The following C8orf34 variants were observed in gnomAD, a reference collection of about 807,000 sequenced individuals.
C8orf34 encodes the protein chromosome 8 open reading frame 34.
In C8orf34, 65 loss-of-function variants were observed where a neutral mutation model predicts 68.3. The observed-to-expected ratio is 0.95, with a 90% CI of 0.78 to 1.17. The LOEUF (loss-of-function observed/expected upper bound fraction) is 1.17, where lower values mean the gene tolerates loss of function less well. C8orf34 is among the 50% of genes most tolerant of loss of function. The probability of loss-of-function intolerance (pLI) is 0.00; values close to 1 mark genes in which losing one functional copy is unlikely to be tolerated. For missense variants in C8orf34, 664 were observed against 655.4 expected (o/e 1.01, Z -0.14); for synonymous variants, 244 against 241.2 (o/e 1.01, Z -0.11).
Position 68,787,527 on chromosome 8 carries a change from C to T in C8orf34, c.1540C>T (p.Gln514Ter), listed in dbSNP as rs1312409903. ...AGAAAGTGAAGGAGTGGAAGCAGAACAAGAGAAACGTGAGTAGACACTATT... is the reference window on the plus strand; with the variant it reads ...AGAAAGTGAAGGAGTGGAAGCAGAATAAGAGAAACGTGAGTAGACACTATT... ...DTESEGVEAE[Q>*]EKRSADLLLC... The change falls in exon 12 of 14, where the codon CAA becomes TAA. Residue 514 changes from glutamine to a stop codon, truncating the protein, a stop_gained. Coordinates refer to ENST00000518698, the MANE Select transcript of C8orf34 (RefSeq NM_052958.4). LOFTEE classifies it high-confidence loss of function. The T allele has an allele frequency of 6.2e-7, 1 of 1,604,772 alleles. No homozygotes were observed. Among genetic ancestry groups the T allele is most frequent in the Admixed American group, 1.7e-5 (1 of 59,680 alleles).
intron 7 of C8orf34, among the ~76,000 whole-genome samples, chr8:68,589,790 G>T (rs1217793751): frequency 6.9e-6 from 1 of 145,894 alleles, no homozygotes; most frequent in African/African-American, 2.5e-5. Flanking sequence ...AAGGTGGAGA[G>T]AGAAGGGAAT....
intron 3 of C8orf34, chr8:68,447,208 G>T (rs1811161940): frequency 6.6e-6 from 1 of 152,238 alleles, no homozygotes; most frequent in Non-Finnish European, 1.5e-5. Context: ...GATCTTGTAA[G>T]AACCAACAGA....
Position 68,818,891 on chromosome 8 carries a change from C to T in C8orf34, c.*645C>T, listed in dbSNP as rs998759652. ...GGCCCAAAACATAGAAAATGAAAAT[C>T]GTTTGACCATTTATCCAATTATTGA... On this transcript the variant is annotated 3_prime_UTR_variant, in exon 14 of 14. Transcript: ENST00000518698. 5 of 152,174 alleles carry T rather than the reference C, an allele frequency of 3.3e-5. No individual in the cohort carries two copies. In the East Asian group the frequency reaches 5.8e-4, roughly 18 times the overall value. The allele number at this position is 152,174 out of a possible 1,614,324, so 9.4% of individuals were successfully genotyped here. A position where few individuals can be genotyped will look rare whatever the true frequency, so the allele number is the denominator to read the frequency against.
At chr8:68,599,461 G>A (rs1051447885) in intron 7 of C8orf34, among the ~76,000 whole-genome samples, 4 of 151,818 alleles carry the variant, frequency 2.6e-5, no homozygotes, top group Admixed American at 6.6e-5. Flanking sequence ...AAATTTACAA[G>A]CTACAGTAAC....
chr8:68,818,204 A>G (rs1296656737), intron 13 of C8orf34, 35 bp from the exon 14 acceptor site: 2 of 1,609,416 alleles, frequency 1.2e-6, no homozygotes, highest in Admixed American at 1.7e-5. Flanking sequence ...CATGTTATTA[A>G]GCACATTTTC....
At position 68,788,845 on chromosome 8, in the gene C8orf34, G is replaced by A. The variant is rs554673673; in HGVS notation, c.1549+1309G>A. On this transcript the variant is annotated intron_variant, in intron 12 of 13. Transcript: ENST00000518698. ...CTGCACTCCCGCCTGGCGACAGAGC[G>A]AGACTCCGTCTAAAAAAAAAAAAGA... Among the ~76,000 whole-genome samples, 7 of 151,780 alleles carry A rather than the reference G, an allele frequency of 4.6e-5. No individual in the cohort carries two copies. In the South Asian group the frequency reaches 8.3e-4, roughly 18 times the overall value.
At chr8:68,711,088 C>T (rs1322404757) in intron 9 of C8orf34, among the ~76,000 whole-genome samples, 1 of 152,132 alleles carries the variant, frequency 6.6e-6, no homozygotes, top group Non-Finnish European at 1.5e-5. Flanking sequence ...CAGTTCAGCT[C>T]TCAGGAAGCC....
rs1460075990 is a variant in C8orf34 at position 68,331,017 on chromosome 8, G to A, written c.5G>A (p.Ser2Asn). ...GCGAGGCGGAGAACGCGATGAATGA[G>A]TTCTCCCCTCGCCTCGGAGTTGTCT... The part of the protein sequence containing the change: M[S>N]SPLASELSEL... Residue 2 changes from serine to asparagine, a missense_variant, in exon 1 of 14, where the codon AGT becomes AAT. Transcript: ENST00000518698. 1 of 1,440,392 alleles carries A rather than the reference G, an allele frequency of 6.9e-7. No homozygotes were observed. The highest frequency in any genetic ancestry group is 9.0e-7 in the Non-Finnish European group (1 of 1,110,092). 89.2% of individuals were successfully genotyped at this position (1,440,392 alleles called of 1,614,324 possible).
intron 1 of C8orf34, among the ~76,000 whole-genome samples, chr8:68,393,884 G>T (rs1192242163): frequency 1.3e-5 from 2 of 152,136 alleles, no homozygotes; most frequent in African/African-American, 2.4e-5. Context: ...ACACCTGTTA[G>T]CAGGGCCTTA....
chr8:68,503,470 G>A (rs554486768), intron 5 of C8orf34, among the ~76,000 whole-genome samples: 1 of 151,956 alleles, frequency 6.6e-6, no homozygotes, highest in African/African-American at 2.4e-5. Flanking sequence ...GGGTACAAAG[G>A]CATTCATTTA....
At chr8:68,536,022 A>G (rs913787446) in intron 7 of C8orf34, among the ~76,000 whole-genome samples, 1 of 152,156 alleles carries the variant, frequency 6.6e-6, no homozygotes, top group Non-Finnish European at 1.5e-5. Flanking sequence ...AAATCTTCAC[A>G]TATTTTTTAA....
intron 2 of C8orf34, among the ~76,000 whole-genome samples, chr8:68,443,706 T>A (rs1368423433): frequency 6.6e-6 from 1 of 152,088 alleles, no homozygotes; most frequent in African/African-American, 2.4e-5. Flanking sequence ...ACACCCAGCC[T>A]GGTGCATCTT....
chr8:68,588,100 T>A (rs1261742569), intron 7 of C8orf34, among the ~76,000 whole-genome samples: 1 of 152,188 alleles, frequency 6.6e-6, no homozygotes, highest in Non-Finnish European at 1.5e-5. Context: ...GTAATTGTAC[T>A]AATAGCCTTT....
chr8:68,367,651 A>G (rs1486017939), intron 1 of C8orf34, among the ~76,000 whole-genome samples: 1 of 142,346 alleles, frequency 7.0e-6, no homozygotes, highest in Non-Finnish European at 1.5e-5. Context: ...TCACAAGAAC[A>G]AAAAACCAAA....
intron 4 of C8orf34, among the ~76,000 whole-genome samples, chr8:68,472,812 A>C (rs1200246225): frequency 6.6e-6 from 1 of 152,074 alleles, no homozygotes; most frequent in Non-Finnish European, 1.5e-5. Flanking sequence ...TTTTCGAGAT[A>C]TTTTATATTC....
At chr8:68,769,207 G>T (rs938571469) in intron 10 of C8orf34, among the ~76,000 whole-genome samples, 2 of 151,302 alleles carry the variant, frequency 1.3e-5, no homozygotes, top group Non-Finnish European at 2.9e-5. Flanking sequence ...TCTTCCTTAA[G>T]ATCTGCTATT....
chr8:68,415,283 A>G lies in C8orf34; in HGVS notation c.328-24216A>G, dbSNP rs1372062200. Among the ~76,000 whole-genome samples the G allele has an allele frequency of 2.6e-5, 4 of 152,210 alleles. No homozygotes were observed. In the East Asian group the frequency reaches 7.8e-4, roughly 30 times the overall value. ...TCACCTGAGGTCAGGAGTTTGAGAC[A>G]AGCCTGGCCAACATGTCAAAACCCT... is the stretch of plus-strand genomic sequence containing the variant. On this transcript the variant is annotated intron_variant, in intron 1 of 13. Coordinates refer to ENST00000518698, the MANE Select transcript of C8orf34 (RefSeq NM_052958.4).
chr8:68,454,208 G>T (rs1176771813), intron 3 of C8orf34, among the ~76,000 whole-genome samples: 1 of 152,002 alleles, frequency 6.6e-6, no homozygotes, highest in Non-Finnish European at 1.5e-5. Context: ...ATTCATAAAA[G>T]ATATTGGTCT....
intron 6 of C8orf34, 38 bp from the exon 7 acceptor site, chr8:68,532,945 A>T (rs760516555): frequency 1.4e-6 from 2 of 1,418,028 alleles, no homozygotes; most frequent in Non-Finnish European, 1.9e-6. Context: ...GATTTTCTTT[A>T]CTTATCACAG....
Sources: allele counts gnomAD v4.1 joint callset (sites outside exome capture counted in the v4.1 genomes callset), GRCh38; gene constraint gnomAD v4.1.1; transcripts MANE v1.5; gene names NCBI Gene and HGNC (gene_info 2026-07-23, HGNC 2026-07-21).